The following SKIC3 variants were observed in gnomAD, a reference collection of about 807,000 sequenced individuals.
The protein encoded by SKIC3 is superkiller complex protein 3.
chr5:95,468,810 T>C, the SKIC3 span, among the ~76,000 whole-genome samples: 218 of 152,236 alleles, frequency 1.4e-3, no homozygotes, highest in African/African-American at 5.2e-3. Context: ...TTAACAAAGA[T>C]TATTGGGGTA....
the SKIC3 span, chr5:95,478,414 C>T: frequency 1.2e-6 from 2 of 1,613,908 alleles, no homozygotes; most frequent in Non-Finnish European, 1.7e-6. Context: ...TCTCATCATT[C>T]CTTGGGATTG....
chr5:95,484,623 A>C, the SKIC3 span: 1 of 1,532,052 alleles, frequency 6.5e-7, no homozygotes. Context: ...CCAGGAATAC[A>C]GGAGTGAGCC....
chr5:95,486,105 G>C, the SKIC3 span, among the ~76,000 whole-genome samples: 1 of 152,134 alleles, frequency 6.6e-6, no homozygotes, highest in South Asian at 2.1e-4. Context: ...CAAAGTGGGA[G>C]CTCACGCTGA....
chr5:95,495,341 AAACT>A, the SKIC3 span: 16 of 269,226 alleles, frequency 5.9e-5, no homozygotes, highest in South Asian at 5.2e-4. Context: ...TCACAAAGAT[AAACT>A]AACATGGCTT....
chr5:95,502,332 GAAGGAATTCAGGTCACTTTTCAAAA>G, the SKIC3 span, among the ~76,000 whole-genome samples: 1 of 152,162 alleles, frequency 6.6e-6, no homozygotes, highest in African/African-American at 2.4e-5. Flanking sequence ...TACTGCTTGT[GAAGGAATTCAGGTCACTTTTCAAAA>G]AACTAATCTT....
the SKIC3 span, among the ~76,000 whole-genome samples, chr5:95,534,725 T>A: frequency 6.6e-6 from 1 of 152,064 alleles, no homozygotes; most frequent in Non-Finnish European, 1.5e-5. Context: ...TTCATCTCTT[T>A]CCCTCCAAGC....
chr5:95,482,746 A>G, the SKIC3 span: 1 of 1,110,532 alleles, frequency 9.0e-7, no homozygotes, highest in Non-Finnish European at 1.3e-6. Context: ...ACCTTTTCTT[A>G]TTAAAGAGAA....
At chr5:95,551,614 C>T in the SKIC3 span, among the ~76,000 whole-genome samples, 3 of 152,330 alleles carry the variant, frequency 2.0e-5, no homozygotes, top group South Asian at 6.2e-4. Flanking sequence ...CTGCCCTCCT[C>T]ACCCAATCTA....
At chr5:95,484,959 C>G in the SKIC3 span, 1 of 1,164,592 alleles carries the variant, frequency 8.6e-7, no homozygotes. Flanking sequence ...CACAGTTTTT[C>G]AAAGTTACAT....
the SKIC3 span, chr5:95,509,687 T>C: frequency 6.2e-7 from 1 of 1,603,784 alleles, no homozygotes. Context: ...CTGAATTCTT[T>C]CTAGAAAATG....
At chr5:95,528,928 T>C in the SKIC3 span, 12 of 1,289,588 alleles carry the variant, frequency 9.3e-6, no homozygotes, top group Non-Finnish European at 1.3e-5. Context: ...AAAATCACTA[T>C]CTTTGTCCTT....
At chr5:95,482,224 T>A in the SKIC3 span, among the ~76,000 whole-genome samples, 4 of 152,214 alleles carry the variant, frequency 2.6e-5, no homozygotes, top group Non-Finnish European at 5.9e-5. Flanking sequence ...AGTATTTTCA[T>A]CACCGTTTTA....
the SKIC3 span, chr5:95,547,258 C>T: frequency 1.1e-6 from 1 of 895,764 alleles, no homozygotes; most frequent in South Asian, 1.4e-5. Flanking sequence ...GGAAAAGACT[C>T]CTTCTCTCTG....
At chr5:95,517,203 C>T in the SKIC3 span, 1 of 1,613,268 alleles carries the variant, frequency 6.2e-7, no homozygotes, top group Non-Finnish European at 8.5e-7. Flanking sequence ...TTCTTTCTGA[C>T]CTAGAAGGAC....
chr5:95,545,805 C>T, the SKIC3 span, among the ~76,000 whole-genome samples: 1 of 152,222 alleles, frequency 6.6e-6, no homozygotes, highest in East Asian at 1.9e-4. Context: ...AGTGAAAATT[C>T]TGTATCCTTC....
the SKIC3 span, among the ~76,000 whole-genome samples, chr5:95,477,312 T>A: frequency 2.0e-5 from 3 of 152,056 alleles, no homozygotes; most frequent in Admixed American, 1.3e-4. Flanking sequence ...GTCCCTGACA[T>A]AAGAATCTCT....
At chr5:95,511,370 G>A in the SKIC3 span, among the ~76,000 whole-genome samples, 4 of 152,176 alleles carry the variant, frequency 2.6e-5, no homozygotes, top group Admixed American at 1.3e-4. Flanking sequence ...CCGAGATTGC[G>A]CCACTGCACT....
the SKIC3 span, among the ~76,000 whole-genome samples, chr5:95,496,143 G>A: frequency 6.6e-6 from 1 of 151,790 alleles, no homozygotes; most frequent in South Asian, 2.1e-4. Context: ...TCAGCCTCCC[G>A]AGTAGCTGGG....
the SKIC3 span, chr5:95,530,293 T>G: frequency 6.3e-7 from 1 of 1,581,834 alleles, no homozygotes; most frequent in Non-Finnish European, 8.6e-7. Flanking sequence ...CAAACCCATA[T>G]TCTTAAATCT....
Sources: allele counts gnomAD v4.1 joint callset (sites outside exome capture counted in the v4.1 genomes callset), GRCh38; gene constraint gnomAD v4.1.1; transcripts MANE v1.5; gene names NCBI Gene and HGNC (gene_info 2026-07-23, HGNC 2026-07-21).